SCD5: variants seen among roughly 807,000 people sequenced by gnomAD.
SCD5 encodes the protein acyl-CoA-desaturase 4.
In SCD5, 20 loss-of-function variants were observed where a neutral mutation model predicts 30.4. That is an observed-to-expected ratio of 0.66 (90% CI 0.46 to 0.96). SCD5 has a LOEUF of 0.96. Ranked by LOEUF, SCD5 falls within the 40% of genes least tolerant of loss-of-function variation. The probability of loss-of-function intolerance (pLI) is 0.00; values close to 1 mark genes in which losing one functional copy is unlikely to be tolerated. For missense variants in SCD5, 381 were observed against 443.3 expected, an observed-to-expected ratio of 0.86 and a Z score of 1.26; for synonymous variants, 173 against 176.4, an observed-to-expected ratio of 0.98 and a Z score of 0.16.
chr4:82,793,650 T>C (rs191993707), intron 1 of SCD5, among the ~76,000 whole-genome samples: 13 of 152,136 alleles, frequency 8.5e-5, no homozygotes, highest in Non-Finnish European at 1.3e-4. Context: ...CAGTGAATAA[T>C]TAACACCAAC....
At chr4:82,642,264 C>T (rs903406801) in intron 3 of SCD5, among the ~76,000 whole-genome samples, 8 of 152,112 alleles carry the variant, frequency 5.3e-5, no homozygotes, top group Non-Finnish European at 7.4e-5. Flanking sequence ...ATTCTTAAAC[C>T]CTGAATGTCT....
chr4:82,757,703 G>C (rs766637117), intron 1 of SCD5, among the ~76,000 whole-genome samples: 1 of 152,188 alleles, frequency 6.6e-6, no homozygotes, highest in Non-Finnish European at 1.5e-5. Flanking sequence ...ATCTTGTAGA[G>C]CCTCGTCTGC....
intron 3 of SCD5, among the ~76,000 whole-genome samples, chr4:82,641,703 G>A (rs1727550894): frequency 6.6e-6 from 1 of 152,150 alleles, no homozygotes; most frequent in Non-Finnish European, 1.5e-5. Flanking sequence ...GATCAAGTTT[G>A]GAGGGTCTCA....
chr4:82,720,255 C>T (rs1720337912), intron 1 of SCD5, among the ~76,000 whole-genome samples: 1 of 151,602 alleles, frequency 6.6e-6, no homozygotes, highest in African/African-American at 2.4e-5. Context: ...TAGTGAGACA[C>T]CATCTCTACA....
chr4:82,672,281 A>T (rs78464404), intron 3 of SCD5, among the ~76,000 whole-genome samples: 1 of 152,136 alleles, frequency 6.6e-6, no homozygotes, highest in Non-Finnish European at 1.5e-5. Context: ...CTTTGAATCA[A>T]TTAATAAAAT....
intron 1 of SCD5, among the ~76,000 whole-genome samples, chr4:82,726,492 T>C (rs1720472977): frequency 6.7e-6 from 1 of 150,332 alleles, no homozygotes; most frequent in Non-Finnish European, 1.5e-5. Flanking sequence ...CTGGGCAAAC[T>C]TGAGTTTGCC....
chr4:82,648,007 G>C (rs1386421337), intron 3 of SCD5, among the ~76,000 whole-genome samples: 5 of 152,192 alleles, frequency 3.3e-5, no homozygotes, highest in Non-Finnish European at 1.5e-5. Flanking sequence ...GGCAGGACTC[G>C]AGGCAAAAGC....
intron 1 of SCD5, among the ~76,000 whole-genome samples, chr4:82,719,266 T>C (rs1241055912): frequency 1.3e-5 from 2 of 151,568 alleles, no homozygotes; most frequent in African/African-American, 2.4e-5. Flanking sequence ...GACACCCCTG[T>C]TTACCCCATA....
intron 3 of SCD5, among the ~76,000 whole-genome samples, chr4:82,650,093 T>C (rs1727717184): frequency 6.6e-6 from 1 of 152,184 alleles, no homozygotes; most frequent in South Asian, 2.1e-4. Context: ...CAGCCGTAGG[T>C]TGTCTAGTGC....
intron 1 of SCD5, among the ~76,000 whole-genome samples, chr4:82,730,447 C>T (rs1200289564): frequency 6.6e-6 from 1 of 150,866 alleles, no homozygotes; most frequent in Non-Finnish European, 1.5e-5. Context: ...CAGGCGCATG[C>T]CACTATGCCT....
At chr4:82,687,796 C>T (rs985171238) in intron 2 of SCD5, among the ~76,000 whole-genome samples, 1 of 152,130 alleles carries the variant, frequency 6.6e-6, no homozygotes, top group Admixed American at 6.5e-5. Flanking sequence ...AAGAGTCCAC[C>T]GAAAAGAGGT....
chr4:82,738,502 A>G (rs1052188616), intron 1 of SCD5, among the ~76,000 whole-genome samples: 1 of 152,192 alleles, frequency 6.6e-6, no homozygotes, highest in Non-Finnish European at 1.5e-5. Flanking sequence ...GTTGGGGAAG[A>G]ACACATCCCA....
intron 1 of SCD5, among the ~76,000 whole-genome samples, chr4:82,775,138 G>T (rs947407413): frequency 2.6e-5 from 4 of 152,198 alleles, no homozygotes; most frequent in Non-Finnish European, 5.9e-5. Flanking sequence ...TCTGCCTCTT[G>T]CTAGAGAACA....
At chr4:82,755,248 C>A (rs1721208999) in intron 1 of SCD5, among the ~76,000 whole-genome samples, 1 of 152,098 alleles carries the variant, frequency 6.6e-6, no homozygotes, top group South Asian at 2.1e-4. Flanking sequence ...GCCTGTAATC[C>A]CAGCACTTTG....
intron 1 of SCD5, chr4:82,753,287 G>A (rs1232553198): frequency 4.0e-6 from 2 of 499,326 alleles, no homozygotes; most frequent in African/African-American, 2.0e-5. Flanking sequence ...AGATGGCTAT[G>A]TGTGTTAAAA....
At chr4:82,715,803 CAA>C (rs746302993) in intron 1 of SCD5, among the ~76,000 whole-genome samples, 2 of 151,554 alleles carry the variant, frequency 1.3e-5, no homozygotes, top group Non-Finnish European at 2.9e-5. Context: ...AGCTCTTGAC[CAA>C]CAGCATGTAA....
chr4:82,650,523 G>A (rs763149324), intron 3 of SCD5, among the ~76,000 whole-genome samples: 22 of 152,150 alleles, frequency 1.4e-4, no homozygotes, highest in Non-Finnish European at 2.8e-4. Context: ...TGGCAAAACC[G>A]CGTCTCTACA....
chr4:82,705,030 A>G (rs1006410368), intron 2 of SCD5, among the ~76,000 whole-genome samples: 4 of 152,246 alleles, frequency 2.6e-5, no homozygotes, highest in Non-Finnish European at 4.4e-5. Flanking sequence ...TGTTCACAGC[A>G]TGGGCTCTGG....
At chr4:82,740,233 C>T (rs1460610098) in intron 1 of SCD5, among the ~76,000 whole-genome samples, 1 of 152,218 alleles carries the variant, frequency 6.6e-6, no homozygotes, top group Non-Finnish European at 1.5e-5. Flanking sequence ...CAACTTGATT[C>T]CCTCTTCTGT....
Sources: gnomAD v4.1 joint callset for allele counts (sites outside exome capture counted in the v4.1 genomes callset) on GRCh38, gnomAD v4.1.1 for gene constraint, MANE v1.5 for transcripts, NCBI Gene and HGNC (gene_info 2026-07-23, HGNC 2026-07-21) for gene names.